The following STAT5B variants were observed in gnomAD, a reference collection of about 807,000 sequenced individuals.
The protein encoded by STAT5B is signal transducer and activator of transcription 5B, also known as transcription factor STAT5B.
A neutral mutation model predicts 107.8 loss-of-function variants in STAT5B; 21 were observed. That is an observed-to-expected ratio of 0.19 (90% CI 0.14 to 0.28). The LOEUF (loss-of-function observed/expected upper bound fraction) is 0.28. Ranked by LOEUF, STAT5B falls within the 10% of genes least tolerant of loss-of-function variation. The probability of loss-of-function intolerance (pLI) is 1.00; values close to 1 mark genes in which losing one functional copy is unlikely to be tolerated. For missense variants in STAT5B, 565 were observed against 1,008.2 expected (o/e 0.56, Z 5.95); for synonymous variants, 325 against 401.7 (o/e 0.81, Z 2.28).
intron 16 of STAT5B, 63 bp downstream of exon 16, chr17:42,207,487 GCACACACA>G (rs57356051): frequency 0.038 from 45,446 of 1,196,390 alleles, 332 homozygotes; most frequent in Non-Finnish European, 0.045. Flanking sequence ...ACGCAGGTAT[GCACACACA>G]CACACACACA....
chr17:42,254,491 T>C (rs1319932787), intron 1 of STAT5B, among the ~76,000 whole-genome samples: 1 of 152,114 alleles, frequency 6.6e-6, no homozygotes, highest in African/African-American at 2.4e-5. Context: ...AGTATATTTC[T>C]CTTTTTCCTC....
chr17:42,240,196 T>G (rs975511658), intron 1 of STAT5B, among the ~76,000 whole-genome samples: 1 of 152,158 alleles, frequency 6.6e-6, no homozygotes, highest in Admixed American at 6.5e-5. Flanking sequence ...GCTGCATTAT[T>G]CATAATCACC....
At chr17:42,280,815 T>C (rs887753000), upstream of STAT5B, among the ~76,000 whole-genome samples, 1 of 152,194 alleles carries the variant, frequency 6.6e-6, no homozygotes, top group South Asian at 2.1e-4. Flanking sequence ...AAGTTAGATA[T>C]GGTTCTAAAT....
At chr17:42,249,572 G>GAT in intron 1 of STAT5B, among the ~76,000 whole-genome samples, 1 of 152,188 alleles carries the variant, frequency 6.6e-6, no homozygotes, top group African/African-American at 2.4e-5. Flanking sequence ...ACAACCAGTA[G>GAT]ATATATATAC....
chr17:42,207,440 G>A, intron 16 of STAT5B, 118 bp downstream of exon 16: 3 of 1,321,840 alleles, frequency 2.3e-6, no homozygotes, highest in Non-Finnish European at 3.2e-6. Flanking sequence ...CTCACTGAAT[G>A]GTAATTGTGT....
chr17:42,233,433 C>T (rs2080333048), intron 1 of STAT5B, among the ~76,000 whole-genome samples: 1 of 151,790 alleles, frequency 6.6e-6, no homozygotes, highest in Non-Finnish European at 1.5e-5. Flanking sequence ...AAAAACAATA[C>T]ATTCCACCTA....
At chr17:42,248,956 T>C (rs1157429952) in intron 1 of STAT5B, among the ~76,000 whole-genome samples, 1 of 152,230 alleles carries the variant, frequency 6.6e-6, no homozygotes, top group Non-Finnish European at 1.5e-5. Flanking sequence ...CTCGCTTGAC[T>C]GAACGAAGGG....
intron 1 of STAT5B, among the ~76,000 whole-genome samples, chr17:42,266,546 TAA>T (rs771718588): frequency 1.2e-4 from 15 of 121,316 alleles, no homozygotes; most frequent in Admixed American, 1.8e-4. Context: ...TCTCAAAAAA[TAA>T]AAAAAAAAAA....
At chr17:42,256,907 T>C (rs534967080) in intron 1 of STAT5B, among the ~76,000 whole-genome samples, 8 of 151,300 alleles carry the variant, frequency 5.3e-5, no homozygotes, top group Non-Finnish European at 8.8e-5. Context: ...ACTTGTTCTA[T>C]TTTATTATCA....
At chr17:42,209,162 G>T (rs1478215763) in intron 15 of STAT5B, among the ~76,000 whole-genome samples, 2 of 151,920 alleles carry the variant, frequency 1.3e-5, no homozygotes, top group African/African-American at 4.8e-5. Flanking sequence ...ACCCTCCAGA[G>T]TAGCTGGGAC....
At chr17:42,220,822 A>G (rs151268399) in intron 5 of STAT5B, among the ~76,000 whole-genome samples, 1,904 of 151,976 alleles carry the variant, frequency 0.013, 30 homozygotes, top group African/African-American at 0.041. Context: ...AGACACAGGG[A>G]ACGTGGAACA....
At chr17:42,229,626 A>T (rs1232545863) in intron 2 of STAT5B, among the ~76,000 whole-genome samples, 1 of 151,722 alleles carries the variant, frequency 6.6e-6, no homozygotes, top group African/African-American at 2.4e-5. Context: ...TAATCCCAGC[A>T]CTTTGGGAGG....
At chr17:42,231,101 T>C (rs2080313856) in intron 2 of STAT5B, among the ~76,000 whole-genome samples, 1 of 152,070 alleles carries the variant, frequency 6.6e-6, no homozygotes, top group South Asian at 2.1e-4. Context: ...TTATATTTAA[T>C]AAACTATAAG....
rs1598321177 is a variant in STAT5B, at chr17:42,240,714, G to A, written c.-10-8577C>T. On this transcript the variant is annotated intron_variant, in intron 1 of 18. Transcript: ENST00000293328. ...CATACTACTAAGGGGTACTATCTGG[G>A]CTGGACCTACCTGAGAACCTGCACT... 3.9e-5 allele frequency among the ~76,000 whole-genome samples: 6 copies of A among 152,306 alleles called. No individual in the cohort carries two copies. In the South Asian group the frequency reaches 1.2e-3, roughly 32 times the overall value.
At chr17:42,220,114 C>T (rs1424675299) in intron 5 of STAT5B, among the ~76,000 whole-genome samples, 5 of 152,194 alleles carry the variant, frequency 3.3e-5, no homozygotes, top group African/African-American at 1.2e-4. Context: ...TGCCTGCCTC[C>T]TGCCCGCCTG....
At chr17:42,217,557 A>AAG in intron 9 of STAT5B, 93 bp from the exon 10 acceptor site, 1 of 1,401,664 alleles carries the variant, frequency 7.1e-7, no homozygotes, top group Non-Finnish European at 1.0e-6. Flanking sequence ...GGAAATAGAG[A>AAG]AGTTTGCTAA....
At position 42,202,375 on chromosome 17, in the gene STAT5B, C is replaced by A; in HGVS notation, c.2202G>T (p.Val734=). ...TYMDQAPSPA[V]CPQAHYNMYP... is the part of the protein sequence containing the mutation. ...ACATGTTATAGTGAGCCTGGGGACA[C>A]ACAGCTGGGGAGGGGGCCTGGTCCA... Residue 734 remains valine (V), a synonymous_variant, in exon 18 of 19, where the codon GTG becomes GTT. Coordinates refer to ENST00000293328, the MANE Select transcript of STAT5B (RefSeq NM_012448.4). The A allele has an allele frequency of 6.2e-7, 1 of 1,614,252 alleles. No individual in the cohort carries two copies. Among genetic ancestry groups the A allele is most frequent in the Non-Finnish European group, 8.5e-7 (1 of 1,180,040 alleles).
intron 12 of STAT5B, chr17:42,214,517 C>T: frequency 1.0e-6 from 1 of 985,286 alleles, no homozygotes; most frequent in Non-Finnish European, 1.2e-6. Context: ...TCCATTTCAC[C>T]TTCTTTACAC....
intron 1 of STAT5B, among the ~76,000 whole-genome samples, chr17:42,262,538 TA>T (rs1253869809): frequency 6.6e-6 from 1 of 151,776 alleles, no homozygotes; most frequent in Admixed American, 6.6e-5. Flanking sequence ...AGTACCATAA[TA>T]AACATTTAGA....
Sources: gnomAD v4.1 joint callset for allele counts (sites outside exome capture counted in the v4.1 genomes callset) on GRCh38, gnomAD v4.1.1 for gene constraint, MANE v1.5 for transcripts, NCBI Gene and HGNC (gene_info 2026-07-23, HGNC 2026-07-21) for gene names.